The following PIK3C2G variants were observed in gnomAD, a reference collection of about 807,000 sequenced individuals.
PIK3C2G encodes the protein phosphatidylinositol 3-kinase C2 domain-containing subunit gamma.
In PIK3C2G, 168 loss-of-function variants were observed where a neutral mutation model predicts 181.1. That is an observed-to-expected ratio of 0.93 (90% CI 0.82 to 1.05). PIK3C2G has a LOEUF of 1.05. Among genes scored for constraint, PIK3C2G ranks in the 50% least tolerant of loss-of-function variants. The pLI, the probability that PIK3C2G is intolerant of heterozygous loss-of-function variation, is 0.00. For missense variants in PIK3C2G, 1,869 were observed against 1,732.8 expected (o/e 1.08, Z -1.40); for synonymous variants, 573 against 592.2 (o/e 0.97, Z 0.47).
At chr12:18,349,631 T>C (rs1273606922) in intron 11 of PIK3C2G, among the ~76,000 whole-genome samples, 4 of 152,198 alleles carry the variant, frequency 2.6e-5, no homozygotes, top group Admixed American at 2.0e-4. Context: ...TCTCATTATA[T>C]AGAATAGAAA....
chr12:18,244,672 T>C (rs1041880703), upstream of PIK3C2G, among the ~76,000 whole-genome samples: 3 of 152,082 alleles, frequency 2.0e-5, no homozygotes, highest in Non-Finnish European at 4.4e-5. Flanking sequence ...TCTTAGGCAC[T>C]GCCGCGATGC....
Position 18,282,320 on chromosome 12 carries a change from A to G in PIK3C2G, c.239A>G (p.Glu80Gly). ...GACTCAACAGGGCATTCATTAAATG[A>G]AGCACACCAAATATCCTTGAATGAA... ...KWDSTGHSLN[E>G]AHQISLNEFT... The change falls in exon 2 of 33, where the codon GAA becomes GGA. Residue 80 changes from glutamate to glycine, a missense_variant. By Grantham distance (98) the Glu-to-Gly change is moderately conservative. Coordinates refer to ENST00000538779, the MANE Select transcript of PIK3C2G (RefSeq NM_001288772.2). 1 of 1,613,590 alleles carries G rather than the reference A, an allele frequency of 6.2e-7. No individual in the cohort carries two copies. Among genetic ancestry groups the G allele is most frequent in the African/African-American group, 1.3e-5 (1 of 75,024 alleles).
At chr12:18,435,955 G>T (rs1197138466) in intron 18 of PIK3C2G, among the ~76,000 whole-genome samples, 1 of 147,758 alleles carries the variant, frequency 6.8e-6, no homozygotes, top group Non-Finnish European at 1.5e-5. Flanking sequence ...GATACTTAGA[G>T]CTACAAGTAA....
At chr12:18,718,530 T>C in the PIK3C2G span, among the ~76,000 whole-genome samples, 1 of 152,178 alleles carries the variant, frequency 6.6e-6, no homozygotes, top group South Asian at 2.1e-4. Flanking sequence ...TAGCCACATT[T>C]GCCATTTTTC....
At chr12:18,698,171 C>A in the PIK3C2G span, among the ~76,000 whole-genome samples, 1 of 151,928 alleles carries the variant, frequency 6.6e-6, no homozygotes, top group Non-Finnish European at 1.5e-5. Flanking sequence ...ATTTTACAAT[C>A]CAACTCACAT....
At chr12:18,268,259 C>T (rs10770347) in intron 1 of PIK3C2G, among the ~76,000 whole-genome samples, 52,811 of 151,874 alleles carry the variant, frequency 0.35, 9,652 homozygotes, top group Non-Finnish European at 0.41. Flanking sequence ...TAATGCTATA[C>T]TAAATGAATT....
the PIK3C2G span, among the ~76,000 whole-genome samples, chr12:18,705,477 CAG>C: frequency 6.6e-6 from 1 of 152,102 alleles, no homozygotes; most frequent in African/African-American, 2.4e-5. Context: ...TTTGGCAAAA[CAG>C]AGACCATTAA....
chr12:18,671,653 A>C, the PIK3C2G span, among the ~76,000 whole-genome samples: 1 of 152,206 alleles, frequency 6.6e-6, no homozygotes, highest in African/African-American at 2.4e-5. Flanking sequence ...GGATATAAAA[A>C]AAAATTTCAT....
At chr12:18,281,663 C>G (rs986120784) in intron 1 of PIK3C2G, among the ~76,000 whole-genome samples, 8 of 151,910 alleles carry the variant, frequency 5.3e-5, no homozygotes, top group African/African-American at 1.9e-4. Flanking sequence ...TTTAGCATGC[C>G]AACATGCTTA....
chr12:18,255,733 G>C (rs1420791359), intron 1 of PIK3C2G, among the ~76,000 whole-genome samples: 6 of 152,166 alleles, frequency 3.9e-5, no homozygotes, highest in Non-Finnish European at 8.8e-5. Flanking sequence ...TGGCTAGTTA[G>C]CCATCATCAG....
chr12:18,702,011 A>AT, the PIK3C2G span, among the ~76,000 whole-genome samples: 4 of 152,160 alleles, frequency 2.6e-5, no homozygotes, highest in African/African-American at 9.7e-5. Context: ...GACTTACCAT[A>AT]TGCCATTTTT....
chr12:18,525,924 C>A (rs1943201390), intron 24 of PIK3C2G, among the ~76,000 whole-genome samples: 1 of 152,154 alleles, frequency 6.6e-6, no homozygotes, highest in Admixed American at 6.5e-5. Context: ...TTTAAACACT[C>A]TATAAGTTTT....
upstream of PIK3C2G, among the ~76,000 whole-genome samples, chr12:18,243,126 T>C (rs559677694): frequency 1.3e-5 from 2 of 152,264 alleles, no homozygotes; most frequent in East Asian, 3.9e-4. Flanking sequence ...ATTTGATTTA[T>C]GTAATCAGAA....
At chr12:18,612,601 C>T (rs1948400272) in intron 31 of PIK3C2G, among the ~76,000 whole-genome samples, 1 of 152,110 alleles carries the variant, frequency 6.6e-6, no homozygotes, top group Admixed American at 6.6e-5. Flanking sequence ...TTTGTTTCTT[C>T]TGCTTAAAAC....
chr12:18,251,576 A>G (rs1189815927), intron 1 of PIK3C2G, among the ~76,000 whole-genome samples: 2 of 152,036 alleles, frequency 1.3e-5, no homozygotes, highest in African/African-American at 2.4e-5. Flanking sequence ...TTATCTTCAC[A>G]ATGCACCATG....
intron 30 of PIK3C2G, among the ~76,000 whole-genome samples, chr12:18,599,033 C>A (rs1565547886): frequency 6.6e-6 from 1 of 151,296 alleles, no homozygotes; most frequent in African/African-American, 2.4e-5. Flanking sequence ...AATAGGAACA[C>A]TTTTACACTG....
intron 5 of PIK3C2G, among the ~76,000 whole-genome samples, chr12:18,297,139 C>T (rs1297437745): frequency 6.6e-6 from 1 of 151,982 alleles, no homozygotes; most frequent in Non-Finnish European, 1.5e-5. Context: ...GAAACTATTT[C>T]CTAGACCGTC....
intron 18 of PIK3C2G, among the ~76,000 whole-genome samples, chr12:18,439,647 T>G (rs1254725022): frequency 6.6e-6 from 1 of 152,056 alleles, no homozygotes; most frequent in Non-Finnish European, 1.5e-5. Flanking sequence ...GCAAAATGTC[T>G]CATGAATCAA....
At chr12:18,584,517 C>A (rs1054372164) in intron 29 of PIK3C2G, among the ~76,000 whole-genome samples, 1 of 151,994 alleles carries the variant, frequency 6.6e-6, no homozygotes, top group African/African-American at 2.4e-5. Flanking sequence ...AAGAAACGAA[C>A]AAAACCTCTG....
Sources: gnomAD v4.1 joint callset for allele counts (sites outside exome capture counted in the v4.1 genomes callset) on GRCh38, gnomAD v4.1.1 for gene constraint, MANE v1.5 for transcripts, NCBI Gene and HGNC (gene_info 2026-07-23, HGNC 2026-07-21) for gene names.